Variants in EEPD1 observed in about 807,000 individuals in gnomAD.
EEPD1 encodes the protein endonuclease/exonuclease/phosphatase family domain-containing protein 1.
EEPD1 carries 17 observed loss-of-function variants against 46.3 expected under a neutral mutation model. That is an observed-to-expected ratio of 0.37 (90% confidence interval 0.25 to 0.55). The LOEUF (loss-of-function observed/expected upper bound fraction) is 0.55, where lower values mean the gene tolerates loss of function less well. Ranked by LOEUF, EEPD1 falls within the 20% of genes least tolerant of loss-of-function variation. The probability of loss-of-function intolerance (pLI) is 0.83; values close to 1 mark genes in which losing one functional copy is unlikely to be tolerated. For missense variants in EEPD1, 673 were observed against 745.6 expected (o/e 0.90, Z 1.13); for synonymous variants, 313 against 315.6 (o/e 0.99, Z 0.09).
At chr7:36,257,137 T>A (rs1023226463) in intron 3 of EEPD1, among the ~76,000 whole-genome samples, 5 of 152,238 alleles carry the variant, frequency 3.3e-5, no homozygotes, top group African/African-American at 1.2e-4. Flanking sequence ...TTAAGAATGT[T>A]GAATATTGGC....
chr7:36,180,339 G>A (rs940653356), intron 2 of EEPD1, among the ~76,000 whole-genome samples: 1 of 152,118 alleles, frequency 6.6e-6, no homozygotes, highest in African/African-American at 2.4e-5. Context: ...GGAGGCAGAG[G>A]GGATGAGGCA....
chr7:36,282,497 G>A (rs1490510592), intron 4 of EEPD1, among the ~76,000 whole-genome samples: 1 of 152,242 alleles, frequency 6.6e-6, no homozygotes, highest in Admixed American at 6.5e-5. Context: ...AGCAAGACAG[G>A]TAACCCCATT....
At chr7:36,295,510 T>C (rs1343892221) in intron 6 of EEPD1, among the ~76,000 whole-genome samples, 1 of 152,208 alleles carries the variant, frequency 6.6e-6, no homozygotes, top group Non-Finnish European at 1.5e-5. Flanking sequence ...ATAACATGTG[T>C]AGATACTCTA....
At chr7:36,240,791 C>G (rs138586292) in intron 3 of EEPD1, among the ~76,000 whole-genome samples, 1 of 152,126 alleles carries the variant, frequency 6.6e-6, no homozygotes, top group African/African-American at 2.4e-5. Flanking sequence ...AAAATTTTTC[C>G]GCAGACCTGG....
Position 36,154,935 on chromosome 7 carries a change from C to T in EEPD1, c.611C>T (p.Ser204Phe), listed in dbSNP as rs1465968670. 2 of 1,614,064 alleles carry T rather than the reference C, an allele frequency of 1.2e-6. No individual in the cohort carries two copies. The highest frequency in any genetic ancestry group is 1.1e-5 in the South Asian group (1 of 91,084). ...TTTGCTGAGAGGTCCAGGCCCCCAT[C>T]CACCCACACGAACGGGGGACTGACC... ...QVFAERSRPPSTHTNGGLTFT... is the reference protein window; with the variant it reads ...QVFAERSRPPFTHTNGGLTFT... The change falls in exon 2 of 8, where the codon TCC (serine) becomes TTC (phenylalanine). Residue 204 changes from serine to phenylalanine, a missense_variant. Transcript: ENST00000242108. The surrounding 1 kb of genome is among the most constrained non-coding windows in gnomAD (Gnocchi z 4.2).
In EEPD1 at chr7:36,255,403, T is replaced by G. The variant is rs1786812943; in HGVS notation, c.930+16367T>G. On this transcript the variant is annotated intron_variant, in intron 3 of 7. Transcript: ENST00000242108. ...CATTTATTAAATAGGGAACCCTTTC[T>G]CCATTGGTTGTTTTTGTCAGGTTTG... 2.6e-5 allele frequency among the ~76,000 whole-genome samples: 4 copies of G among 152,158 alleles called. No homozygotes were observed. In the South Asian group the frequency reaches 8.3e-4, roughly 32 times the overall value.
chr7:36,261,491 T>G (rs1404192401), intron 3 of EEPD1, among the ~76,000 whole-genome samples: 1 of 152,226 alleles, frequency 6.6e-6, no homozygotes, highest in East Asian at 1.9e-4. Context: ...ACAACAGCCA[T>G]GACGACAGGA....
intron 3 of EEPD1, among the ~76,000 whole-genome samples, chr7:36,257,206 G>T (rs1425820632): frequency 6.6e-6 from 1 of 151,956 alleles, no homozygotes; most frequent in Non-Finnish European, 1.5e-5. Flanking sequence ...AGTCTGATGG[G>T]CCTCCCTTTG....
intron 2 of EEPD1, among the ~76,000 whole-genome samples, chr7:36,235,055 T>C (rs28450732): frequency 5.2e-5 from 5 of 95,840 alleles, no homozygotes; most frequent in Non-Finnish European, 6.1e-5. Flanking sequence ...CAGCACAGGT[T>C]TCCCCCACAG....
At chr7:36,236,598 G>C (rs1305709574) in intron 2 of EEPD1, among the ~76,000 whole-genome samples, 1 of 152,226 alleles carries the variant, frequency 6.6e-6, no homozygotes, top group Non-Finnish European at 1.5e-5. Context: ...AGCTGGCTGG[G>C]CTTCTGAGAG....
intron 2 of EEPD1, among the ~76,000 whole-genome samples, chr7:36,168,150 A>G (rs1785017140): frequency 6.6e-6 from 1 of 152,224 alleles, no homozygotes; most frequent in Admixed American, 6.5e-5. Flanking sequence ...GGCAGGAGCC[A>G]TGCACATATG....
chr7:36,269,875 G>T (rs1787077572), intron 3 of EEPD1, among the ~76,000 whole-genome samples: 1 of 152,158 alleles, frequency 6.6e-6, no homozygotes, highest in Admixed American at 6.6e-5. Flanking sequence ...ACATGAGAGG[G>T]CATAGTGGGT....
At chr7:36,238,055 C>G (rs1429197456) in intron 2 of EEPD1, among the ~76,000 whole-genome samples, 1 of 152,154 alleles carries the variant, frequency 6.6e-6, no homozygotes, top group Non-Finnish European at 1.5e-5. Flanking sequence ...GGGCAATTCC[C>G]AGAACTGAGG....
At chr7:36,189,633 G>C (rs1273256578) in intron 2 of EEPD1, among the ~76,000 whole-genome samples, 1 of 152,146 alleles carries the variant, frequency 6.6e-6, no homozygotes, top group Non-Finnish European at 1.5e-5. Context: ...TATGGGGATA[G>C]AAGAAAGTAC....
chr7:36,159,695 T>C (rs370692088), intron 2 of EEPD1, among the ~76,000 whole-genome samples: 1 of 152,336 alleles, frequency 6.6e-6, no homozygotes, highest in East Asian at 1.9e-4. Context: ...AAAGGAGGGC[T>C]TCCCTACAAC....
intron 2 of EEPD1, among the ~76,000 whole-genome samples, chr7:36,186,819 G>T (rs1785365450): frequency 6.6e-6 from 1 of 152,222 alleles, no homozygotes. Flanking sequence ...TCTTTCAGCA[G>T]TCTTACAAAC....
chr7:36,190,842 T>A (rs554664252), intron 2 of EEPD1, among the ~76,000 whole-genome samples: 104 of 152,328 alleles, frequency 6.8e-4, no homozygotes, highest in African/African-American at 2.4e-3. Flanking sequence ...CACCCTGGGG[T>A]AAGGGTCGTT....
At chr7:36,198,537 T>C (rs1203170272) in intron 2 of EEPD1, among the ~76,000 whole-genome samples, 1 of 121,066 alleles carries the variant, frequency 8.3e-6, no homozygotes, top group Non-Finnish European at 2.1e-5. Context: ...AGAATTTTTA[T>C]TTGTCAATTA....
At chr7:36,216,376 T>G (rs1786030521) in intron 2 of EEPD1, among the ~76,000 whole-genome samples, 1 of 152,196 alleles carries the variant, frequency 6.6e-6, no homozygotes, top group African/African-American at 2.4e-5. Context: ...TTCAGTCTCT[T>G]TAGTGCTCAA....
Sources: gnomAD v4.1 joint callset for allele counts (sites outside exome capture counted in the v4.1 genomes callset) on GRCh38, gnomAD v4.1.1 for gene constraint, Gnocchi (gnomAD v3.1) non-coding constraint, MANE v1.5 for transcripts, NCBI Gene and HGNC (gene_info 2026-07-23, HGNC 2026-07-21) for gene names.